Variants in SKAP1 observed in about 807,000 individuals in gnomAD.
The protein encoded by SKAP1 is src kinase associated phosphoprotein 1, also known as src kinase-associated phosphoprotein 1.
In SKAP1, 44 loss-of-function variants were observed where a neutral mutation model predicts 58.5. The ratio of observed to expected loss-of-function variants is 0.75; its 90% CI spans 0.59 to 0.97. The LOEUF is 0.97. Ranked by LOEUF, SKAP1 falls within the 50% of genes least tolerant of loss-of-function variation. The probability of loss-of-function intolerance (pLI) is 0.00; values close to 1 mark genes in which losing one functional copy is unlikely to be tolerated. For synonymous variants in SKAP1, 127 were observed against 149.7 expected, an observed-to-expected ratio of 0.85 and a Z score of 1.11; for missense variants, 390 against 435.2, an observed-to-expected ratio of 0.90 and a Z score of 0.92.
intron 4 of SKAP1, among the ~76,000 whole-genome samples, chr17:48,220,576 G>A (rs1425612078): frequency 6.6e-6 from 1 of 152,168 alleles, no homozygotes; most frequent in African/African-American, 2.4e-5. Flanking sequence ...GAAGTTTCAG[G>A]CCAGGTGCAG....
At chr17:48,407,021 A>G (rs1394954228) in intron 1 of SKAP1, among the ~76,000 whole-genome samples, 1 of 152,180 alleles carries the variant, frequency 6.6e-6, no homozygotes, top group Non-Finnish European at 1.5e-5. Context: ...TTATTACCAC[A>G]GTGAAATAAA....
At chr17:48,304,864 C>A (rs987445327) in intron 4 of SKAP1, among the ~76,000 whole-genome samples, 1 of 152,146 alleles carries the variant, frequency 6.6e-6, no homozygotes, top group Admixed American at 6.5e-5. Flanking sequence ...TCTGCATTCT[C>A]ACCAATATCT....
chr17:48,367,400 G>A (rs1598619198), intron 2 of SKAP1, among the ~76,000 whole-genome samples: 1 of 151,594 alleles, frequency 6.6e-6, no homozygotes, highest in East Asian at 1.9e-4. Flanking sequence ...CTTGAAATTT[G>A]GTAAGAGAGT....
chr17:48,238,047 G>T (rs1034501159), intron 4 of SKAP1, among the ~76,000 whole-genome samples: 1 of 151,914 alleles, frequency 6.6e-6, no homozygotes, highest in East Asian at 1.9e-4. Context: ...AGGCTGGAGT[G>T]CAGTGGCATG....
chr17:48,211,397 A>G (rs2064871522), intron 4 of SKAP1, among the ~76,000 whole-genome samples: 1 of 152,224 alleles, frequency 6.6e-6, no homozygotes, highest in Non-Finnish European at 1.5e-5. Flanking sequence ...TGTCCTGAAC[A>G]TTTAAAGAGG....
At chr17:48,147,640 G>C (rs536935990) in intron 11 of SKAP1, among the ~76,000 whole-genome samples, 11 of 152,310 alleles carry the variant, frequency 7.2e-5, no homozygotes, top group African/African-American at 2.6e-4. Flanking sequence ...TCAGTTGGGT[G>C]GCCGGTGGGT....
chr17:48,172,495 A>G (rs1462542728), intron 9 of SKAP1, among the ~76,000 whole-genome samples: 1 of 152,248 alleles, frequency 6.6e-6, no homozygotes, highest in Admixed American at 6.5e-5. Context: ...GGCAAAGTGA[A>G]GAAAAATACA....
chr17:48,205,404 C>A (rs1598426745), intron 4 of SKAP1, among the ~76,000 whole-genome samples: 1 of 151,922 alleles, frequency 6.6e-6, no homozygotes, highest in Non-Finnish European at 1.5e-5. Context: ...AGCTACCACA[C>A]CTGGCCAAGG....
At position 48,151,079 on chromosome 17, in the gene SKAP1, G is replaced by A. The variant is rs143158569; in HGVS notation, c.978+11390C>T. Among the ~76,000 whole-genome samples, 30 of 125,066 alleles carry A rather than the reference G, an allele frequency of 2.4e-4. No homozygotes were observed. The East Asian group carries it at 6.2e-3, about 26-fold the overall frequency. 82.0% of individuals were successfully genotyped at this position (125,066 alleles called of 152,430 possible). A position where few individuals can be genotyped will look rare whatever the true frequency, so the allele number is the denominator to read the frequency against. On this transcript the variant is annotated intron_variant, in intron 11 of 12. Transcript: ENST00000336915. ...CAGAAGGAGGAAAACATTTAAAGACGCAGCAGGAAAAAAAAAAAAAAAAAG... is the reference window on the plus strand; with the variant it reads ...CAGAAGGAGGAAAACATTTAAAGACACAGCAGGAAAAAAAAAAAAAAAAAG...
At chr17:48,441,390 G>A in the SKAP1 span, among the ~76,000 whole-genome samples, 2 of 152,072 alleles carry the variant, frequency 1.3e-5, no homozygotes, top group Admixed American at 6.6e-5. Flanking sequence ...CTGCTTGGCT[G>A]AGTATTAATT....
At chr17:48,406,941 G>C (rs2067594548) in intron 1 of SKAP1, among the ~76,000 whole-genome samples, 1 of 152,112 alleles carries the variant, frequency 6.6e-6, no homozygotes, top group Non-Finnish European at 1.5e-5. Context: ...GGGCTCAAGA[G>C]ATCCTCCTGC....
At chr17:48,444,916 G>C in the SKAP1 span, among the ~76,000 whole-genome samples, 1 of 152,194 alleles carries the variant, frequency 6.6e-6, no homozygotes, top group Non-Finnish European at 1.5e-5. Flanking sequence ...ACAAGCTGTA[G>C]GGGCAGTAAG....
chr17:48,219,988 T>C (rs980260226), intron 4 of SKAP1, among the ~76,000 whole-genome samples: 15 of 152,204 alleles, frequency 9.9e-5, no homozygotes, highest in African/African-American at 2.4e-4. Context: ...TTTATTTCAA[T>C]TGAAGAAACT....
chr17:48,182,741 GAGAAAAGTTT>G (rs1208965304), intron 7 of SKAP1, among the ~76,000 whole-genome samples: 1 of 152,092 alleles, frequency 6.6e-6, no homozygotes, highest in Non-Finnish European at 1.5e-5. Flanking sequence ...ACATTTATTT[GAGAAAAGTTT>G]ACAAGAAAAA....
Position 48,397,240 on chromosome 17 carries a change from G to C in SKAP1, c.47-455C>G, listed in dbSNP as rs2011795. ...CTGTAAATTTCTTTCTTTCTTTTAGGGGGGGGATGGAGTCTCACTCTGTTG... is the reference window on the plus strand; with the variant it reads ...CTGTAAATTTCTTTCTTTCTTTTAGCGGGGGGATGGAGTCTCACTCTGTTG... On this transcript the variant is annotated intron_variant, in intron 1 of 12. Coordinates refer to ENST00000336915, the MANE Select transcript of SKAP1 (RefSeq NM_003726.4). Among the ~76,000 whole-genome samples the C allele has an allele frequency of 5.1e-3, 770 of 151,924 alleles. 6 individuals carry two copies. Among genetic ancestry groups the C allele is most frequent in the African/African-American group, 0.017 (690 of 41,428 alleles).
intron 4 of SKAP1, among the ~76,000 whole-genome samples, chr17:48,272,556 T>C (rs764096847): frequency 2.6e-5 from 4 of 152,132 alleles, no homozygotes; most frequent in Admixed American, 6.5e-5. Flanking sequence ...TTTTAATTTT[T>C]ATTTATTTTT....
intron 4 of SKAP1, among the ~76,000 whole-genome samples, chr17:48,199,692 A>C (rs1236457839): frequency 6.6e-6 from 1 of 152,146 alleles, no homozygotes; most frequent in African/African-American, 2.4e-5. Context: ...AGACCTTAGT[A>C]ACAATGTAAA....
At chr17:48,158,881 A>AC (rs918278983) in intron 11 of SKAP1, among the ~76,000 whole-genome samples, 7 of 150,064 alleles carry the variant, frequency 4.7e-5, no homozygotes, top group African/African-American at 1.7e-4. Context: ...AATGGCGTGA[A>AC]CCCCAGGGGG....
At chr17:48,256,406 C>T (rs531564938) in intron 4 of SKAP1, among the ~76,000 whole-genome samples, 34 of 151,978 alleles carry the variant, frequency 2.2e-4, no homozygotes, top group African/African-American at 8.2e-4. Context: ...AGTGGTTAGC[C>T]AAAAGATACT....
Sources: gnomAD v4.1 joint callset for allele counts (sites outside exome capture counted in the v4.1 genomes callset) on GRCh38, gnomAD v4.1.1 for gene constraint, MANE v1.5 for transcripts, NCBI Gene and HGNC (gene_info 2026-07-23, HGNC 2026-07-21) for gene names.